Variants in CDH18 observed in about 807,000 individuals in gnomAD.
The protein encoded by CDH18 is cadherin 18.
In CDH18, 31 loss-of-function variants were observed where a neutral mutation model predicts 67.9. That is an observed-to-expected ratio of 0.46 (90% CI 0.34 to 0.62). The LOEUF (loss-of-function observed/expected upper bound fraction) is 0.62. CDH18 is among the 20% of genes least tolerant of loss of function. The pLI is 0.01. For missense variants in CDH18, 890 were observed against 975.5 expected (o/e 0.91, Z 1.17); for synonymous variants, 362 against 347.2 (o/e 1.04, Z -0.48).
At chr5:19,838,693 A>G in intron 3 of CDH18, 66 bp downstream of exon 3, 1 of 1,047,920 alleles carries the variant, frequency 9.5e-7, no homozygotes, top group Admixed American at 2.0e-5. Flanking sequence ...TATTTCTCCA[A>G]CATGAGCTCA....
At position 19,581,367 on chromosome 5, in the gene CDH18, C is replaced by A. The variant is rs1743222320; in HGVS notation, c.1000-9535G>T. ...TTACTATAGTTAGTTATCATTTTCC[C>A]ATCAATCGTTTCCCAGCCAGATTTA... On this transcript the variant is annotated intron_variant, in intron 7 of 12. Coordinates refer to ENST00000382275, the MANE Select transcript of CDH18 (RefSeq NM_004934.5). 3.9e-5 allele frequency among the ~76,000 whole-genome samples: 6 copies of A among 152,024 alleles called. 1 individual carries two copies. The South Asian group carries it at 1.2e-3, about 32-fold the overall frequency.
chr5:20,518,538 G>A (rs1162291019), intron 1 of CDH18, among the ~76,000 whole-genome samples: 1 of 152,102 alleles, frequency 6.6e-6, no homozygotes, highest in Non-Finnish European at 1.5e-5. Flanking sequence ...TGCACACTGA[G>A]GAAGATGTCT....
At chr5:20,241,905 T>TATATATATATACATATATATATATAA (rs369967608) in intron 2 of CDH18, among the ~76,000 whole-genome samples, 191 of 141,450 alleles carry the variant, frequency 1.4e-3, no homozygotes, top group African/African-American at 5.0e-3. Flanking sequence ...TATATATATA[T>TATATATATATACATATATATATATAA]ATATTGCTTA....
intron 2 of CDH18, among the ~76,000 whole-genome samples, chr5:20,062,870 C>G (rs2150511462): frequency 6.6e-6 from 1 of 152,174 alleles, no homozygotes; most frequent in East Asian, 1.9e-4. Context: ...AGGAAATGCA[C>G]AAGCAATAAA....
chr5:20,389,349 G>T lies in CDH18; in HGVS notation c.-579-133844C>A, dbSNP rs181116813. Among the ~76,000 whole-genome samples the T allele has an allele frequency of 4.6e-3, 695 of 152,206 alleles. 7 individuals carry two copies. Among genetic ancestry groups the T allele is most frequent in the African/African-American group, 0.016 (647 of 41,524 alleles). ...TTTGATCTTTGTTGGCTTAAAGTCT[G>T]TTTTTTCAGAGACTAGTATTGCAAC... On this transcript the variant is annotated intron_variant, in intron 1 of 14. Coordinates refer to the CDH18 transcript ENST00000507958.
intron 2 of CDH18, among the ~76,000 whole-genome samples, chr5:20,159,864 C>T (rs77605884): frequency 0.032 from 4,904 of 152,244 alleles, 261 homozygotes; most frequent in African/African-American, 0.11. Context: ...AATGCACAAT[C>T]ACTTTTTCCC....
At chr5:20,315,350 A>T (rs1737368634) in intron 1 of CDH18, among the ~76,000 whole-genome samples, 1 of 152,032 alleles carries the variant, frequency 6.6e-6, no homozygotes, top group African/African-American at 2.4e-5. Flanking sequence ...TGTCTCTCTG[A>T]TCCAGCCTTG....
At chr5:19,755,659 A>G (rs535184350) in intron 3 of CDH18, among the ~76,000 whole-genome samples, 2 of 149,584 alleles carry the variant, frequency 1.3e-5, no homozygotes, top group Non-Finnish European at 3.0e-5. Flanking sequence ...ATTAAGTATT[A>G]ACTCACATGA....
intron 1 of CDH18, among the ~76,000 whole-genome samples, chr5:20,410,617 A>G (rs1048194605): frequency 6.6e-6 from 1 of 151,584 alleles, no homozygotes; most frequent in Non-Finnish European, 1.5e-5. Flanking sequence ...CATTCTTGGC[A>G]CATTTATTTA....
intron 2 of CDH18, among the ~76,000 whole-genome samples, chr5:20,245,479 T>C (rs59146772): frequency 0.027 from 4,086 of 152,194 alleles, 193 homozygotes; most frequent in African/African-American, 0.092. Context: ...CCAGAAAACC[T>C]GAGTGTGAAT....
At chr5:20,299,443 CACACACAA>C (rs1340466430) in intron 1 of CDH18, among the ~76,000 whole-genome samples, 4 of 104,172 alleles carry the variant, frequency 3.8e-5, no homozygotes, top group African/African-American at 1.4e-4. Context: ...CACACACACA[CACACACAA>C]AATGAGTCAT....
chr5:20,487,066 C>T (rs1753242684), intron 1 of CDH18, among the ~76,000 whole-genome samples: 1 of 152,170 alleles, frequency 6.6e-6, no homozygotes, highest in Non-Finnish European at 1.5e-5. Flanking sequence ...TGTATGACAG[C>T]TGTGGCAGCA....
At chr5:19,814,309 G>A (rs1278381934) in intron 3 of CDH18, among the ~76,000 whole-genome samples, 1 of 151,930 alleles carries the variant, frequency 6.6e-6, no homozygotes, top group African/African-American at 2.4e-5. Flanking sequence ...AGAAACAATA[G>A]ATAATACTAT....
intron 1 of CDH18, among the ~76,000 whole-genome samples, chr5:20,378,394 C>T (rs1743641345): frequency 6.6e-6 from 1 of 151,890 alleles, no homozygotes; most frequent in Non-Finnish European, 1.5e-5. Context: ...GATGAGATAA[C>T]CCTCTTTTCT....
intron 2 of CDH18, among the ~76,000 whole-genome samples, chr5:20,064,827 T>C (rs1742829935): frequency 6.6e-6 from 1 of 152,082 alleles, no homozygotes; most frequent in African/African-American, 2.4e-5. Flanking sequence ...ACAATTGAGA[T>C]AATGCCCTTG....
chr5:19,603,276 G>T (rs143731400), intron 6 of CDH18, among the ~76,000 whole-genome samples: 15 of 152,178 alleles, frequency 9.9e-5, no homozygotes, highest in African/African-American at 3.6e-4. Flanking sequence ...GACAAATATT[G>T]CATGATTCCA....
intron 2 of CDH18, among the ~76,000 whole-genome samples, chr5:20,179,513 T>G (rs1398160313): frequency 6.6e-6 from 1 of 152,284 alleles, no homozygotes; most frequent in South Asian, 2.1e-4. Context: ...CTGACTAAAT[T>G]GTGTACTACT....
In CDH18 at chr5:20,299,030, G is replaced by A. The variant is rs377481987; in HGVS notation, c.-579-43525C>T. Among the ~76,000 whole-genome samples the A allele has an allele frequency of 1.1e-4, 16 of 152,196 alleles. No homozygotes were observed. In the East Asian group the frequency reaches 2.5e-3, roughly 24 times the overall value. On this transcript the variant is annotated intron_variant, in intron 1 of 14. Coordinates refer to the CDH18 transcript ENST00000507958. The stretch of plus-strand genomic sequence containing the variant: ...ACATAGGCATGACGGTTGGAAAAAC[G>A]CAATGTAAAGAATTATGAATCATAG...
At chr5:19,477,513 T>C (rs1224285933) in intron 12 of CDH18, among the ~76,000 whole-genome samples, 1 of 152,110 alleles carries the variant, frequency 6.6e-6, no homozygotes, top group Admixed American at 6.5e-5. Context: ...AAAATTAGCT[T>C]ATGGTTACTA....
Sources: allele counts gnomAD v4.1 joint callset (sites outside exome capture counted in the v4.1 genomes callset), GRCh38; gene constraint gnomAD v4.1.1; transcripts MANE v1.5; gene names NCBI Gene and HGNC (gene_info 2026-07-23, HGNC 2026-07-21).